Variants in SHISA9 observed in about 807,000 individuals in gnomAD.
The protein encoded by SHISA9 is shisa family member 9, also known as protein shisa-9.
Under a neutral mutation model 38.0 loss-of-function variants are expected in SHISA9, and 13 were observed. The ratio of observed to expected loss-of-function variants is 0.34; its 90% CI spans 0.22 to 0.54. The LOEUF is 0.54. Ranked by LOEUF, SHISA9 falls within the 20% of genes least tolerant of loss-of-function variation. The pLI is 0.91. For synonymous variants in SHISA9, 275 were observed against 242.0 expected, an observed-to-expected ratio of 1.14 and a Z score of -1.27; for missense variants, 538 against 575.8, an observed-to-expected ratio of 0.93 and a Z score of 0.67.
Position 13,010,494 on chromosome 16 carries a change from G to A in SHISA9, c.691+93679G>A, listed in dbSNP as rs528991390. ...GACATGTTGAATCATTAAAATAATAGACATAGAATTTTAGCTGAGATCTCA... is the reference window on the plus strand; with the variant it reads ...GACATGTTGAATCATTAAAATAATAAACATAGAATTTTAGCTGAGATCTCA... On this transcript the variant is annotated intron_variant, in intron 2 of 4. Transcript: ENST00000558583. 1.2e-4 allele frequency among the ~76,000 whole-genome samples: 18 copies of A among 152,270 alleles called. No homozygotes were observed. The South Asian group carries it at 2.1e-3, about 18-fold the overall frequency.
chr16:13,248,341 C>A, the SHISA9 span, among the ~76,000 whole-genome samples: 1 of 152,112 alleles, frequency 6.6e-6, no homozygotes, highest in Admixed American at 6.6e-5. Context: ...GCAAGAATCC[C>A]TTTACTGTCT....
At chr16:12,999,253 C>A (rs976128559) in intron 2 of SHISA9, among the ~76,000 whole-genome samples, 1 of 151,992 alleles carries the variant, frequency 6.6e-6, no homozygotes, top group Non-Finnish European at 1.5e-5. Flanking sequence ...ACAGAAAGAA[C>A]AAAAATGGAA....
chr16:13,380,472 G>C, the SHISA9 span, among the ~76,000 whole-genome samples: 1 of 152,086 alleles, frequency 6.6e-6, no homozygotes, highest in Admixed American at 6.6e-5. Context: ...CTATAACAGT[G>C]AGTTAAAAAT....
chr16:13,328,143 G>A, the SHISA9 span, among the ~76,000 whole-genome samples: 2 of 151,916 alleles, frequency 1.3e-5, no homozygotes, highest in Non-Finnish European at 2.9e-5. Flanking sequence ...TTTCAAACTC[G>A]GCCTCGAGCA....
intron 2 of SHISA9, among the ~76,000 whole-genome samples, chr16:13,051,542 C>G (rs1461478703): frequency 6.6e-6 from 1 of 152,190 alleles, no homozygotes; most frequent in East Asian, 1.9e-4. Context: ...ACCTTCTCAT[C>G]CACTTGCCTT....
chr16:13,063,639 G>A lies in SHISA9; in HGVS notation c.692-139755G>A, dbSNP rs182801335. ...AAAGCGAGATATTTCTATTGATTGC[G>A]CAATGGCATTGACAGCTCACCACTT... On this transcript the variant is annotated intron_variant, in intron 2 of 4. Transcript: ENST00000558583. Among the ~76,000 whole-genome samples, 595 of 152,202 alleles carry A rather than the reference G, an allele frequency of 3.9e-3. 4 individuals carry two copies. Among genetic ancestry groups the A allele is most frequent in the African/African-American group, 0.013 (547 of 41,520 alleles).
intron 2 of SHISA9, among the ~76,000 whole-genome samples, chr16:13,191,333 A>G (rs2050883585): frequency 6.6e-6 from 1 of 152,222 alleles, no homozygotes. Context: ...GGAACAATCT[A>G]GACTATGTCC....
chr16:13,023,127 A>G (rs560442854), intron 2 of SHISA9, among the ~76,000 whole-genome samples: 2 of 152,272 alleles, frequency 1.3e-5, no homozygotes, highest in South Asian at 2.1e-4. Flanking sequence ...CCATCAACTC[A>G]TCATTTACAT....
At chr16:13,110,161 C>T (rs1010972317) in intron 2 of SHISA9, among the ~76,000 whole-genome samples, 1 of 152,206 alleles carries the variant, frequency 6.6e-6, no homozygotes, top group Non-Finnish European at 1.5e-5. Context: ...CTGGAATGCC[C>T]TCCACACATG....
At chr16:13,437,766 G>A in the SHISA9 span, among the ~76,000 whole-genome samples, 45 of 152,086 alleles carry the variant, frequency 3.0e-4, no homozygotes, top group East Asian at 8.3e-3. Flanking sequence ...GGGATCCAAG[G>A]TCCTATCAGT....
At chr16:12,973,615 C>CT (rs995436399) in intron 2 of SHISA9, among the ~76,000 whole-genome samples, 2 of 151,910 alleles carry the variant, frequency 1.3e-5, no homozygotes, top group East Asian at 1.9e-4. Flanking sequence ...GTGATAGTTG[C>CT]TTTTTTTTAG....
At chr16:13,473,834 A>G in the SHISA9 span, among the ~76,000 whole-genome samples, 4 of 152,176 alleles carry the variant, frequency 2.6e-5, no homozygotes, top group East Asian at 5.8e-4. Flanking sequence ...TAACACAGCT[A>G]TTCTTGCATC....
chr16:13,101,873 A>C (rs185196804), intron 2 of SHISA9, among the ~76,000 whole-genome samples: 1 of 152,356 alleles, frequency 6.6e-6, no homozygotes, highest in East Asian at 1.9e-4. Context: ...AAAACTAAAT[A>C]AATAAATAAA....
chr16:13,561,961 C>T, the SHISA9 span, among the ~76,000 whole-genome samples: 1 of 152,102 alleles, frequency 6.6e-6, no homozygotes, highest in African/African-American at 2.4e-5. Flanking sequence ...CCAGGGGCAT[C>T]ATTGAGACTG....
At chr16:13,544,188 T>C in the SHISA9 span, among the ~76,000 whole-genome samples, 1 of 151,038 alleles carries the variant, frequency 6.6e-6, no homozygotes, top group Non-Finnish European at 1.5e-5. Flanking sequence ...ACTCAATCAA[T>C]AGCATGAGGC....
the SHISA9 span, among the ~76,000 whole-genome samples, chr16:13,266,048 T>C: frequency 2.8e-5 from 4 of 142,028 alleles, no homozygotes; most frequent in African/African-American, 1.1e-4. Flanking sequence ...GCATATCTTG[T>C]TTTTGCATTT....
At chr16:13,449,581 T>G in the SHISA9 span, among the ~76,000 whole-genome samples, 1 of 152,168 alleles carries the variant, frequency 6.6e-6, no homozygotes, top group African/African-American at 2.4e-5. Context: ...CATCAATGTG[T>G]GTGTACTGCA....
the SHISA9 span, among the ~76,000 whole-genome samples, chr16:13,383,431 G>C: frequency 1.3e-5 from 2 of 152,190 alleles, no homozygotes. Context: ...GGGAAGAATA[G>C]TATTCTGCCA....
At chr16:13,484,921 C>T in the SHISA9 span, among the ~76,000 whole-genome samples, 4 of 152,236 alleles carry the variant, frequency 2.6e-5, no homozygotes, top group Non-Finnish European at 4.4e-5. Context: ...GCCTATAATT[C>T]GACATGAGAT....
Sources: gnomAD v4.1 joint callset for allele counts (sites outside exome capture counted in the v4.1 genomes callset) on GRCh38, gnomAD v4.1.1 for gene constraint, MANE v1.5 for transcripts, NCBI Gene and HGNC (gene_info 2026-07-23, HGNC 2026-07-21) for gene names.